Variants in EYA2 observed in about 807,000 individuals in gnomAD.
EYA2 encodes protein phosphatase EYA2.
Under a neutral mutation model 69.2 loss-of-function variants are expected in EYA2, and 31 were observed. The observed-to-expected ratio is 0.45, with a 90% CI of 0.34 to 0.60. EYA2 has a LOEUF of 0.60. Ranked by LOEUF, EYA2 falls within the 20% of genes least tolerant of loss-of-function variation. The pLI, the probability that EYA2 is intolerant of heterozygous loss-of-function variation, is 0.02. For missense variants in EYA2, 622 were observed against 701.2 expected (o/e 0.89, Z 1.28); for synonymous variants, 257 against 279.4 (o/e 0.92, Z 0.80).
At chr20:47,031,470 C>T (rs1376279908) in intron 5 of EYA2, among the ~76,000 whole-genome samples, 1 of 152,218 alleles carries the variant, frequency 6.6e-6, no homozygotes, top group East Asian at 1.9e-4. Flanking sequence ...GAGACAGTGC[C>T]TGACCTGTCC....
intron 4 of EYA2, among the ~76,000 whole-genome samples, chr20:47,009,013 G>T (rs113389335): frequency 2.6e-5 from 4 of 152,170 alleles, no homozygotes; most frequent in African/African-American, 7.2e-5. Flanking sequence ...GAATGTAAAC[G>T]AATGGGTATG....
chr20:47,146,700 G>C (rs2033708069), intron 10 of EYA2, among the ~76,000 whole-genome samples: 1 of 152,210 alleles, frequency 6.6e-6, no homozygotes, highest in African/African-American at 2.4e-5. Context: ...GTGTGGACCA[G>C]AGAGAGGCGT....
At chr20:46,937,349 C>G (rs1392810166) in intron 1 of EYA2, among the ~76,000 whole-genome samples, 1 of 152,180 alleles carries the variant, frequency 6.6e-6, no homozygotes, top group Non-Finnish European at 1.5e-5. Context: ...TTCTCTGTGT[C>G]TCATCTGTAT....
intron 1 of EYA2, among the ~76,000 whole-genome samples, chr20:46,963,757 T>C (rs1375841057): frequency 6.6e-6 from 1 of 152,258 alleles, no homozygotes; most frequent in Non-Finnish European, 1.5e-5. Flanking sequence ...GACAGGCAGC[T>C]GGCCTCCCTG....
At chr20:46,934,643 A>T (rs1985829283) in intron 1 of EYA2, among the ~76,000 whole-genome samples, 1 of 152,122 alleles carries the variant, frequency 6.6e-6, no homozygotes, top group Admixed American at 6.5e-5. Flanking sequence ...GCAGGTACAG[A>T]CAACAGATGT....
At chr20:46,967,054 G>A (rs553958692) in intron 1 of EYA2, among the ~76,000 whole-genome samples, 3 of 152,112 alleles carry the variant, frequency 2.0e-5, no homozygotes, top group Non-Finnish European at 4.4e-5. Context: ...GTGCAGTGAC[G>A]AAATCTCAGC....
At chr20:47,057,373 C>T (rs889636230) in intron 5 of EYA2, among the ~76,000 whole-genome samples, 14 of 152,146 alleles carry the variant, frequency 9.2e-5, no homozygotes, top group African/African-American at 3.4e-4. Context: ...GACTATGAAG[C>T]CTGGGATTTG....
At chr20:46,978,101 G>A (rs905493010) in intron 1 of EYA2, 3 of 157,314 alleles carry the variant, frequency 1.9e-5, no homozygotes, top group African/African-American at 4.8e-5. Flanking sequence ...AGGAGAGAAC[G>A]TCTCTTCTCC....
chr20:46,897,533 G>A (rs567763195), intron 1 of EYA2, among the ~76,000 whole-genome samples: 51 of 152,296 alleles, frequency 3.3e-4, no homozygotes, highest in African/African-American at 1.2e-3. Context: ...CTCAGAGCGA[G>A]GACTCATTCT....
At chr20:47,116,268 G>C (rs145424783) in intron 9 of EYA2, among the ~76,000 whole-genome samples, 2,893 of 145,846 alleles carry the variant, frequency 0.02, 91 homozygotes, top group African/African-American at 0.068. Flanking sequence ...ACCTCCGCCT[G>C]GCTAGTTCAA....
intron 1 of EYA2, among the ~76,000 whole-genome samples, chr20:46,959,708 C>G (rs1206767): frequency 0.96 from 145,544 of 152,326 alleles, 69,897 homozygotes; most frequent in Middle Eastern, 0.99. Context: ...GCTTATGAAA[C>G]TGACAGAGAA....
intron 3 of EYA2, among the ~76,000 whole-genome samples, chr20:47,003,161 G>A (rs1982483781): frequency 6.6e-6 from 1 of 152,194 alleles, no homozygotes; most frequent in Admixed American, 6.5e-5. Flanking sequence ...GGGGTTGAGG[G>A]TGTGGCCTCT....
intron 9 of EYA2, among the ~76,000 whole-genome samples, chr20:47,131,710 A>G (rs537201954): frequency 1.2e-4 from 18 of 152,356 alleles, no homozygotes; most frequent in African/African-American, 4.1e-4. Flanking sequence ...AGCAGCTAAC[A>G]CAAGCAAGGA....
chr20:47,027,877 C>T (rs1984187027), intron 5 of EYA2, among the ~76,000 whole-genome samples: 1 of 152,210 alleles, frequency 6.6e-6, no homozygotes, highest in Non-Finnish European at 1.5e-5. Context: ...TGCACCTACT[C>T]TATTGGGCAG....
chr20:46,952,371 C>T (rs980286354), intron 1 of EYA2, among the ~76,000 whole-genome samples: 1 of 152,158 alleles, frequency 6.6e-6, no homozygotes, highest in Non-Finnish European at 1.5e-5. Flanking sequence ...ATGGGTTGCG[C>T]TTGGCTCTTT....
intron 14 of EYA2, 108 bp downstream of exon 14, chr20:47,181,044 A>T: frequency 1.4e-6 from 2 of 1,453,828 alleles, no homozygotes; most frequent in Non-Finnish European, 9.3e-7. Flanking sequence ...AAATGGATGG[A>T]GTGTGCCTAT....
chr20:47,175,961 G>C (rs1446713334), intron 12 of EYA2, among the ~76,000 whole-genome samples: 2 of 152,086 alleles, frequency 1.3e-5, no homozygotes, highest in African/African-American at 4.8e-5. Context: ...ATCGTCAAAG[G>C]CCTAGGTTGT....
chr20:46,981,204 A>T (rs1271991880), intron 1 of EYA2, among the ~76,000 whole-genome samples: 3 of 152,214 alleles, frequency 2.0e-5, no homozygotes, highest in Admixed American at 2.0e-4. Context: ...ATTAAAAGAG[A>T]TCATGTAAAT....
At chr20:47,154,516 T>A (rs1233342749) in intron 10 of EYA2, among the ~76,000 whole-genome samples, 5 of 151,980 alleles carry the variant, frequency 3.3e-5, no homozygotes. Flanking sequence ...CAGACCCAGG[T>A]GGCCTGGCTC....
Sources: gnomAD v4.1 joint callset for allele counts (sites outside exome capture counted in the v4.1 genomes callset) on GRCh38, gnomAD v4.1.1 for gene constraint, MANE v1.5 for transcripts, NCBI Gene and HGNC (gene_info 2026-07-23, HGNC 2026-07-21) for gene names.